TRDN: variants seen among roughly 807,000 people sequenced by gnomAD.
The protein encoded by TRDN is triadin, also known as triadin in skeletal muscle.
TRDN carries 161 observed loss-of-function variants against 149.7 expected under a neutral mutation model. That is an observed-to-expected ratio of 1.08 (90% CI 0.95 to 1.23). The LOEUF is 1.23. Ranked by LOEUF, TRDN falls within the 50% of genes most tolerant of loss-of-function variation. The probability of loss-of-function intolerance (pLI) is 0.00; values close to 1 mark genes in which losing one functional copy is unlikely to be tolerated. For synonymous variants in TRDN, 294 were observed against 250.5 expected (o/e 1.17, Z -1.64); for missense variants, 896 against 823.5 (o/e 1.09, Z -1.08).
Position 123,598,347 on chromosome 6 carries a change from A to G in TRDN, c.23-27215T>C, listed in dbSNP as rs554720645. Among the ~76,000 whole-genome samples the G allele has an allele frequency of 5.9e-5, 9 of 152,194 alleles. No individual in the cohort carries two copies. In the East Asian group the frequency reaches 1.5e-3, roughly 26 times the overall value. On this transcript the variant is annotated intron_variant, in intron 1 of 40. Coordinates refer to ENST00000334268, the MANE Select transcript of TRDN (RefSeq NM_006073.4). The stretch of plus-strand genomic sequence containing the variant: ...GGTTGAAGCAAAAATAACAGATCGT[A>G]TTGTATGTATATTTTCCACTTCCAT...
chr6:123,448,961 A>G (rs1051602984), intron 10 of TRDN, among the ~76,000 whole-genome samples: 2 of 152,090 alleles, frequency 1.3e-5, no homozygotes, highest in Admixed American at 1.3e-4. Context: ...CTAGACCCAG[A>G]AGAGAGACAA....
intron 8 of TRDN, among the ~76,000 whole-genome samples, chr6:123,499,719 A>AAAAAAAAAATAT: frequency 5.9e-4 from 28 of 47,676 alleles, no homozygotes; most frequent in Non-Finnish European, 9.4e-4. Flanking sequence ...AAAAAAAAAA[A>AAAAAAAAAATAT]ATATATATAT....
chr6:123,234,979 G>C (rs941115023), intron 38 of TRDN, among the ~76,000 whole-genome samples: 1 of 152,110 alleles, frequency 6.6e-6, no homozygotes, highest in African/African-American at 2.4e-5. Context: ...CTAGGGGACT[G>C]TGAGAACATA....
chr6:123,518,127 T>G (rs1779500673), intron 5 of TRDN, among the ~76,000 whole-genome samples: 2 of 152,282 alleles, frequency 1.3e-5, no homozygotes, highest in African/African-American at 2.4e-5. Context: ...TATGTGAAAC[T>G]TTTGACAATT....
At position 123,523,960 on chromosome 6, in the gene TRDN, G is replaced by C. The variant is rs192137128; in HGVS notation, c.484+6546C>G. The stretch of plus-strand genomic sequence containing the variant: ...ACTGTGGGATATATTTGAACTCTAA[G>C]CCATGAGTTCAACAGACAGTGATTC... On this transcript the variant is annotated intron_variant, in intron 5 of 40. Coordinates refer to ENST00000334268, the MANE Select transcript of TRDN (RefSeq NM_006073.4). Among the ~76,000 whole-genome samples the C allele has an allele frequency of 4.6e-5, 7 of 152,190 alleles. No homozygotes were observed. In the East Asian group the frequency reaches 1.4e-3, roughly 29 times the overall value.
At position 123,310,004 on chromosome 6, in the gene TRDN, G is replaced by T. The variant is rs1006649464; in HGVS notation, c.1510+6453C>A. ...AATGAAATTAACTATAGTACATATG[G>T]TACTACTGTAGTGATTTTGTAGCCT... On this transcript the variant is annotated intron_variant, in intron 24 of 40. Coordinates refer to ENST00000334268, the MANE Select transcript of TRDN (RefSeq NM_006073.4). 2.7e-4 allele frequency among the ~76,000 whole-genome samples: 41 copies of T among 152,020 alleles called. 1 individual carries two copies. The highest frequency in any genetic ancestry group is 2.4e-3 in the Admixed American group (37 of 15,220).
chr6:123,589,996 T>C (rs116516370), intron 1 of TRDN, among the ~76,000 whole-genome samples: 103 of 152,292 alleles, frequency 6.8e-4, no homozygotes, highest in African/African-American at 2.3e-3. Flanking sequence ...TTTCTACTTA[T>C]AAGGAAATTT....
chr6:123,391,989 A>C (rs578072564), intron 13 of TRDN, among the ~76,000 whole-genome samples: 1 of 152,246 alleles, frequency 6.6e-6, no homozygotes, highest in African/African-American at 2.4e-5. Context: ...AAAGACGCGA[A>C]TGATATGCAG....
At chr6:123,295,436 T>A (rs1366768213) in intron 24 of TRDN, among the ~76,000 whole-genome samples, 2 of 152,184 alleles carry the variant, frequency 1.3e-5, no homozygotes, top group African/African-American at 4.8e-5. Flanking sequence ...CTTGAATTCT[T>A]TCCTAGGCAA....
At chr6:123,450,284 C>T (rs991794519) in intron 10 of TRDN, among the ~76,000 whole-genome samples, 8 of 152,054 alleles carry the variant, frequency 5.3e-5, no homozygotes, top group African/African-American at 1.9e-4. Flanking sequence ...TTAAAAGATA[C>T]AGAACCACAG....
In TRDN at chr6:123,491,645, A is replaced by C. The variant is rs181864790; in HGVS notation, c.853+5548T>G. On this transcript the variant is annotated intron_variant, in intron 9 of 40. Transcript: ENST00000334268. ...TTTTCTATGTCTTCATTGTATACTT[A>C]TCAAGTTATCCTTTTTAATACAATT... 2.2e-3 allele frequency among the ~76,000 whole-genome samples: 340 copies of C among 152,314 alleles called. 3 individuals carry two copies. Among genetic ancestry groups the C allele is most frequent in the Non-Finnish European group, 2.4e-3 (166 of 68,016 alleles).
chr6:123,252,639 G>C (rs1044382729), intron 37 of TRDN, among the ~76,000 whole-genome samples: 1 of 151,892 alleles, frequency 6.6e-6, no homozygotes, highest in African/African-American at 2.4e-5. Context: ...TTTATTTAGA[G>C]ATGGGGTCTC....
At chr6:123,504,246 A>G (rs537039201) in intron 7 of TRDN, among the ~76,000 whole-genome samples, 2 of 152,210 alleles carry the variant, frequency 1.3e-5, no homozygotes, top group South Asian at 2.1e-4. Context: ...GGATGGATGT[A>G]CAGGAATTTC....
chr6:123,333,212 A>G (rs1779723516), intron 22 of TRDN, among the ~76,000 whole-genome samples: 1 of 152,012 alleles, frequency 6.6e-6, no homozygotes, highest in African/African-American at 2.4e-5. Flanking sequence ...TGGTGGTGGG[A>G]ACAGACTCCC....
At chr6:123,440,901 C>T (rs1232415555) in intron 10 of TRDN, 1 of 152,094 alleles carries the variant, frequency 6.6e-6, no homozygotes, top group Non-Finnish European at 1.5e-5. Context: ...TTCTTGTCTT[C>T]GTCCAAATTG....
At chr6:123,608,349 C>T (rs1397255949) in intron 1 of TRDN, among the ~76,000 whole-genome samples, 1 of 152,100 alleles carries the variant, frequency 6.6e-6, no homozygotes. Context: ...ATCCTGATCC[C>T]AGCACGGTCT....
At chr6:123,504,616 G>T (rs75910619) in intron 7 of TRDN, among the ~76,000 whole-genome samples, 1 of 151,022 alleles carries the variant, frequency 6.6e-6, no homozygotes, top group African/African-American at 2.4e-5. Flanking sequence ...AAATTCAAAG[G>T]GCTATAAATA....
intron 20 of TRDN, among the ~76,000 whole-genome samples, chr6:123,357,667 A>T (rs1780736064): frequency 6.6e-6 from 1 of 152,182 alleles, no homozygotes; most frequent in South Asian, 2.1e-4. Flanking sequence ...ACAGGTAGGT[A>T]TTCTTATTCA....
chr6:123,390,733 C>T (rs1782077228), intron 13 of TRDN, among the ~76,000 whole-genome samples: 1 of 152,102 alleles, frequency 6.6e-6, no homozygotes, highest in Admixed American at 6.6e-5. Context: ...TGGTTCTAAT[C>T]TACTTAACTC....
Sources: gnomAD v4.1 joint callset for allele counts (sites outside exome capture counted in the v4.1 genomes callset) on GRCh38, gnomAD v4.1.1 for gene constraint, MANE v1.5 for transcripts, NCBI Gene and HGNC (gene_info 2026-07-23, HGNC 2026-07-21) for gene names.